The following APC variants were observed in gnomAD, a reference collection of about 807,000 sequenced individuals.
APC encodes the protein adenomatous polyposis coli protein.
In APC, 72 loss-of-function variants were observed where a neutral mutation model predicts 247.0. The ratio of observed to expected loss-of-function variants is 0.29; its 90% CI spans 0.24 to 0.35. The LOEUF (loss-of-function observed/expected upper bound fraction) is 0.35. APC is among the 10% of genes least tolerant of loss of function. APC has a pLI of 1.00. For missense variants in APC, 3,400 were observed against 3,360.7 expected (o/e 1.01, Z -0.29); for synonymous variants, 1,254 against 1,162.5 (o/e 1.08, Z -1.60).
intron 1 of APC, among the ~76,000 whole-genome samples, chr5:112,718,559 A>C (rs748545302): frequency 3.3e-5 from 5 of 150,728 alleles, no homozygotes; most frequent in Non-Finnish European, 6.0e-5. Context: ...CAATGCAGGC[A>C]ACAAACAACC....
upstream of APC, chr5:112,737,760 C>A: frequency 1.2e-6 from 1 of 834,672 alleles, no homozygotes; most frequent in Non-Finnish European, 1.4e-6. Flanking sequence ...GAGAGAGAAG[C>A]AGCTGTGTAA....
chr5:112,800,135 C>T (rs1760654078), intron 7 of APC, among the ~76,000 whole-genome samples: 1 of 152,192 alleles, frequency 6.6e-6, no homozygotes, highest in Non-Finnish European at 1.5e-5. Flanking sequence ...TTTGCTAGCA[C>T]TGTATTCCCC....
intron 7 of APC, among the ~76,000 whole-genome samples, chr5:112,795,607 C>G (rs551853034): frequency 5.8e-4 from 88 of 152,230 alleles, no homozygotes; most frequent in African/African-American, 2.0e-3. Flanking sequence ...CGAGAAATTC[C>G]AAGGGTATTT....
chr5:112,764,135 A>G (rs1347951755), intron 2 of APC, among the ~76,000 whole-genome samples: 1 of 151,290 alleles, frequency 6.6e-6, no homozygotes, highest in African/African-American at 2.4e-5. Flanking sequence ...AGTCCCAGCT[A>G]CTGGGGAGGC....
rs1554084837 is a variant in APC at position 112,838,789 on chromosome 5, A to G, written c.3195A>G (p.Gln1065=). The change falls in exon 16 of 16, where the codon CAA becomes CAG. Residue 1065 remains glutamine, a synonymous_variant. Coordinates refer to ENST00000257430, the MANE Select transcript of APC (RefSeq NM_000038.6). ...IIEDEIKQSE[Q]RQSRNQSTTY... is the part of the protein sequence containing the mutation. ...AAGATGAAATAAAACAAAGTGAGCA[A>G]AGACAATCAAGGAATCAAAGTACAA... 1.9e-6 allele frequency: 3 copies of G among 1,614,168 alleles called. No homozygotes were observed. Among genetic ancestry groups the G allele is most frequent in the Non-Finnish European group, 2.5e-6 (3 of 1,180,036 alleles).
intron 8 of APC, among the ~76,000 whole-genome samples, chr5:112,802,813 G>A (rs1163934241): frequency 6.6e-6 from 1 of 151,908 alleles, no homozygotes; most frequent in Admixed American, 6.6e-5. Flanking sequence ...AAACAACCAA[G>A]ATCACATTAT....
chr5:112,742,831 A>T (rs912242075), intron 1 of APC, among the ~76,000 whole-genome samples: 1 of 152,208 alleles, frequency 6.6e-6, no homozygotes, highest in Non-Finnish European at 1.5e-5. Context: ...GGGTCAAAGA[A>T]TTTATGATAT....
intron 1 of APC, among the ~76,000 whole-genome samples, chr5:112,749,968 G>GTTT (rs34082853): frequency 2.0e-4 from 16 of 79,618 alleles, no homozygotes; most frequent in South Asian, 4.2e-4. Flanking sequence ...TTTTTTTTTT[G>GTTT]TTTTTTTTTT....
chr5:112,799,979 T>C (rs1760639156), intron 7 of APC, among the ~76,000 whole-genome samples: 1 of 152,186 alleles, frequency 6.6e-6, no homozygotes, highest in South Asian at 2.1e-4. Context: ...CCAGAGTATA[T>C]CATATCTCTC....
chr5:112,792,541 G>A lies in APC; in HGVS notation c.729+12G>A. On this transcript the variant is annotated intron_variant, in intron 7 of 15. Transcript: ENST00000257430. Reference sequence around the variant, plus strand: ...CAACAGAAGCAGAGGTTAGTAAATTGCCTTTCTTGTTTGTGGGTATAAAAA... The same window carrying A: ...CAACAGAAGCAGAGGTTAGTAAATTACCTTTCTTGTTTGTGGGTATAAAAA... 3 of 1,604,026 alleles carry A rather than the reference G, an allele frequency of 1.9e-6. No individual in the cohort carries two copies. Among genetic ancestry groups the A allele is most frequent in the Non-Finnish European group, 2.6e-6 (3 of 1,171,638 alleles).
intron 7 of APC, among the ~76,000 whole-genome samples, chr5:112,795,144 A>G (rs1279047876): frequency 6.6e-6 from 1 of 152,178 alleles, no homozygotes; most frequent in Non-Finnish European, 1.5e-5. Flanking sequence ...CTCCTGCCTC[A>G]GCCTCCCTAG....
chr5:112,749,094 A>C (rs963891334), intron 1 of APC, among the ~76,000 whole-genome samples: 1 of 152,156 alleles, frequency 6.6e-6, no homozygotes, highest in African/African-American at 2.4e-5. Flanking sequence ...TAATGTAGCG[A>C]GTGACACATA....
chr5:112,717,278 C>T (rs557750660), intron 1 of APC, among the ~76,000 whole-genome samples: 3 of 152,232 alleles, frequency 2.0e-5, no homozygotes, highest in South Asian at 4.1e-4. Flanking sequence ...TATGAGCCAC[C>T]GTGCCCAGCC....
At chr5:112,713,963 G>A (rs920241802) in intron 1 of APC, among the ~76,000 whole-genome samples, 2 of 152,168 alleles carry the variant, frequency 1.3e-5, no homozygotes, top group African/African-American at 4.8e-5. Context: ...GAGCCTATAC[G>A]TAAGATTTTG....
chr5:112,779,851 G>T lies in APC; in HGVS notation c.532-939G>T, dbSNP rs551489857. Reference sequence around the variant, plus strand: ...ATCTGTATGTTGCAAAGGGAAAAGGGTGAGAACTAATCTAACTACAACTGA... The same window carrying T: ...ATCTGTATGTTGCAAAGGGAAAAGGTTGAGAACTAATCTAACTACAACTGA... On this transcript the variant is annotated intron_variant, in intron 5 of 15. Coordinates refer to ENST00000257430, the MANE Select transcript of APC (RefSeq NM_000038.6). Among the ~76,000 whole-genome samples the T allele has an allele frequency of 8.5e-5, 13 of 152,302 alleles. No individual in the cohort carries two copies. The highest frequency in any genetic ancestry group is 8.5e-4 in the Admixed American group (13 of 15,306).
intron 1 of APC, among the ~76,000 whole-genome samples, chr5:112,728,363 C>G (rs1431334473): frequency 1.3e-5 from 2 of 152,176 alleles, no homozygotes; most frequent in Middle Eastern, 3.4e-3. Flanking sequence ...AACTCCTGAC[C>G]TCAAATGATC....
intron 2 of APC, among the ~76,000 whole-genome samples, chr5:112,764,617 C>T (rs1165080237): frequency 6.6e-6 from 1 of 152,188 alleles, no homozygotes; most frequent in African/African-American, 2.4e-5. Flanking sequence ...AAGCATCCAT[C>T]AGTTGGTTGG....
At chr5:112,818,209 A>G (rs934118094) in intron 9 of APC, among the ~76,000 whole-genome samples, 1 of 152,194 alleles carries the variant, frequency 6.6e-6, no homozygotes, top group Non-Finnish European at 1.5e-5. Context: ...AATAGCCTCT[A>G]CTTTTATATA....
At chr5:112,752,158 A>G (rs1172749896) in intron 1 of APC, among the ~76,000 whole-genome samples, 4 of 152,072 alleles carry the variant, frequency 2.6e-5, no homozygotes, top group African/African-American at 9.7e-5. Flanking sequence ...GTCATCTTTT[A>G]TGATTCTTTT....
Sources: gnomAD v4.1 joint callset for allele counts (sites outside exome capture counted in the v4.1 genomes callset) on GRCh38, gnomAD v4.1.1 for gene constraint, MANE v1.5 for transcripts, NCBI Gene and HGNC (gene_info 2026-07-23, HGNC 2026-07-21) for gene names.